The following UTRN variants were observed in gnomAD, a reference collection of about 807,000 sequenced individuals.
The protein encoded by UTRN is dystrophin-related protein 1.
In UTRN, 283 loss-of-function variants were observed where a neutral mutation model predicts 463.9. The observed-to-expected ratio is 0.61, with a 90% CI of 0.55 to 0.67. The LOEUF is 0.67. Among genes scored for constraint, UTRN ranks in the 30% least tolerant of loss-of-function variants. UTRN has a pLI of 0.00. For synonymous variants in UTRN, 1,442 were observed against 1,431.5 expected, an observed-to-expected ratio of 1.01 and a Z score of -0.17; for missense variants, 3,922 against 4,084.3, an observed-to-expected ratio of 0.96 and a Z score of 1.08.
In UTRN at chr6:144,508,512, A is replaced by C. The variant is rs566830438; in HGVS notation, c.4765-2432A>C. Reference sequence around the variant, plus strand: ...CCTTGGCTAGGGGAGGGAGTTCCCCAACCTCTTGCGCTTCCCTGGTGAAGC... The same window carrying C: ...CCTTGGCTAGGGGAGGGAGTTCCCCCACCTCTTGCGCTTCCCTGGTGAAGC... On this transcript the variant is annotated intron_variant, in intron 34 of 74. Coordinates refer to ENST00000367545, the MANE Select transcript of UTRN (RefSeq NM_007124.3). 2.4e-4 allele frequency among the ~76,000 whole-genome samples: 37 copies of C among 152,286 alleles called. No individual in the cohort carries two copies. The East Asian group carries it at 7.2e-3, about 29-fold the overall frequency.
At chr6:144,404,974 A>G (rs1044609351) in intron 3 of UTRN, among the ~76,000 whole-genome samples, 4 of 152,200 alleles carry the variant, frequency 2.6e-5, no homozygotes, top group Non-Finnish European at 2.9e-5. Flanking sequence ...TTTAAGTCCC[A>G]TGTAAATTGT....
intron 58 of UTRN, among the ~76,000 whole-genome samples, chr6:144,766,819 G>A (rs370196763): frequency 6.2e-4 from 95 of 152,098 alleles, no homozygotes; most frequent in Non-Finnish European, 8.2e-4. Flanking sequence ...AGGATGGCAC[G>A]TCTGTAAACA....
chr6:144,811,603 A>G (rs1586670696), intron 65 of UTRN, among the ~76,000 whole-genome samples: 1 of 152,114 alleles, frequency 6.6e-6, no homozygotes, highest in Non-Finnish European at 1.5e-5. Context: ...TTAGCTTCAT[A>G]TATTTTCATT....
At chr6:144,333,645 C>G (rs1475765441) in intron 2 of UTRN, among the ~76,000 whole-genome samples, 1 of 152,064 alleles carries the variant, frequency 6.6e-6, no homozygotes, top group Admixed American at 6.5e-5. Context: ...CTGCATAGAT[C>G]ACCCAAGGGG....
chr6:144,771,679 G>C (rs1357930660), intron 58 of UTRN, among the ~76,000 whole-genome samples: 5 of 151,954 alleles, frequency 3.3e-5, no homozygotes, highest in Non-Finnish European at 7.4e-5. Flanking sequence ...ACCTGCCTCG[G>C]CCTCCCAAAG....
intron 51 of UTRN, among the ~76,000 whole-genome samples, chr6:144,579,786 T>C (rs1801784985): frequency 1.3e-5 from 2 of 152,316 alleles, no homozygotes; most frequent in South Asian, 4.1e-4. Flanking sequence ...TTTTGGCTGG[T>C]AGAAAGTAAT....
At chr6:144,522,444 A>C (rs927316658) in intron 40 of UTRN, among the ~76,000 whole-genome samples, 3 of 152,192 alleles carry the variant, frequency 2.0e-5, no homozygotes, top group African/African-American at 7.2e-5. Context: ...GACATAGACC[A>C]CCTTCCTGTC....
intron 65 of UTRN, among the ~76,000 whole-genome samples, chr6:144,812,390 C>G (rs1479089045): frequency 6.6e-6 from 1 of 152,090 alleles, no homozygotes; most frequent in Non-Finnish European, 1.5e-5. Context: ...ATTCTAGATT[C>G]TTCTATACCT....
chr6:144,433,125 T>C lies in UTRN; in HGVS notation c.856-2810T>C, dbSNP rs1379187302. On this transcript the variant is annotated intron_variant, in intron 9 of 74. Transcript: ENST00000367545. ...CGGCAACCATCCGATTTCTCAATCT[T>C]TTCCCCACCTTTCCCCCCTTTCTAT... 1.1e-3 allele frequency among the ~76,000 whole-genome samples: 165 copies of C among 152,322 alleles called. 2 individuals are homozygous for C. Among genetic ancestry groups the C allele is most frequent in the Non-Finnish European group, 1.2e-3 (85 of 68,012 alleles).
intron 51 of UTRN, among the ~76,000 whole-genome samples, chr6:144,617,849 A>C (rs757459343): frequency 5.9e-5 from 9 of 152,138 alleles, no homozygotes; most frequent in Non-Finnish European, 1.0e-4. Context: ...ATAATCTCAA[A>C]TTTACTGCTA....
At position 144,474,778 on chromosome 6, in the gene UTRN, C is replaced by G. The variant is rs1791017065; in HGVS notation, c.3336+19C>G. 3 of 1,609,084 alleles carry G rather than the reference C, an allele frequency of 1.9e-6. No individual in the cohort carries two copies. The highest frequency in any genetic ancestry group is 4.5e-5 in the East Asian group (2 of 44,818). ...CAAGGAGGTGAGTTTTTCAACTTTA[C>G]TACCTACGGTTTTCAGGAGATGTAG... On this transcript the variant is annotated intron_variant, in intron 25 of 74. Transcript: ENST00000367545.
intron 23 of UTRN, 81 bp downstream of exon 23, chr6:144,462,947 T>TAA: frequency 2.7e-6 from 3 of 1,130,134 alleles, no homozygotes; most frequent in African/African-American, 1.6e-5. Flanking sequence ...TATTTATTAT[T>TAA]TAAATATTTT....
At chr6:144,479,293 A>G (rs1427320503) in intron 25 of UTRN, among the ~76,000 whole-genome samples, 4 of 151,744 alleles carry the variant, frequency 2.6e-5, no homozygotes, top group Non-Finnish European at 5.9e-5. Context: ...TAGTTTTTGT[A>G]TTTTTAGTAG....
intron 23 of UTRN, among the ~76,000 whole-genome samples, chr6:144,468,592 A>G (rs3922582): frequency 0.33 from 47,664 of 146,510 alleles, 10,652 homozygotes; most frequent in African/African-American, 0.65. Context: ...CCTTAAAGAA[A>G]TGTGTGTGTG....
At chr6:144,489,067 T>TA (rs1271158493) in intron 30 of UTRN, among the ~76,000 whole-genome samples, 2 of 152,146 alleles carry the variant, frequency 1.3e-5, no homozygotes, top group African/African-American at 2.4e-5. Flanking sequence ...TTTATTTATT[T>TA]GAGACAGAAT....
rs1170723665 is a variant in UTRN, at chr6:144,340,150, T to A, written c.79+48243T>A. Among the ~76,000 whole-genome samples the A allele has an allele frequency of 3.3e-5, 5 of 152,128 alleles. No homozygotes were observed. In the East Asian group the frequency reaches 9.7e-4, roughly 29 times the overall value. ...CCACTGCACTCCAGCCTGGGCGACA[T>A]AACAAGACTGCGACTGCGTCTCAAG... On this transcript the variant is annotated intron_variant, in intron 2 of 74. Coordinates refer to ENST00000367545, the MANE Select transcript of UTRN (RefSeq NM_007124.3).
rs1586623562 is a variant in UTRN at position 144,799,242 on chromosome 6, G to T, written c.9245+1252G>T. On this transcript the variant is annotated intron_variant, in intron 64 of 74. Transcript: ENST00000367545. ...GAAGCATATCATTGCATTCTCTGTGGATGGCTAACATAAGAAATGAAAATT... is the reference window on the plus strand; with the variant it reads ...GAAGCATATCATTGCATTCTCTGTGTATGGCTAACATAAGAAATGAAAATT... 4 of 336,286 alleles carry T rather than the reference G, an allele frequency of 1.2e-5. No homozygotes were observed. The East Asian group carries it at 3.2e-4, about 27-fold the overall frequency. The allele number at this position is 336,286 out of a possible 1,614,324, so 20.8% of individuals were successfully genotyped here. A position where few individuals can be genotyped will look rare whatever the true frequency, so the allele number is the denominator to read the frequency against.
In UTRN at chr6:144,291,799, G is replaced by A; in HGVS notation, c.-30G>A. ...AGCCTTAGAAAGAGGACTTGGTAAAGTTTTTGGATTATCTTGAAACTCTGG... is the reference window on the plus strand; with the variant it reads ...AGCCTTAGAAAGAGGACTTGGTAAAATTTTTGGATTATCTTGAAACTCTGG... On this transcript the variant is annotated 5_prime_UTR_variant, in exon 2 of 75. Transcript: ENST00000367545. 1.9e-6 allele frequency: 3 copies of A among 1,605,078 alleles called. No individual in the cohort carries two copies. Among genetic ancestry groups the A allele is most frequent in the Non-Finnish European group, 2.5e-6 (3 of 1,176,522 alleles).
chr6:144,425,460 C>G (rs1014363450), intron 6 of UTRN, among the ~76,000 whole-genome samples: 1 of 152,114 alleles, frequency 6.6e-6, no homozygotes, highest in African/African-American at 2.4e-5. Flanking sequence ...TAGTTTTTAT[C>G]AAACTTTTAG....
Sources: allele counts gnomAD v4.1 joint callset (sites outside exome capture counted in the v4.1 genomes callset), GRCh38; gene constraint gnomAD v4.1.1; transcripts MANE v1.5; gene names NCBI Gene and HGNC (gene_info 2026-07-23, HGNC 2026-07-21).